The following MCTP2 variants were observed in gnomAD, a reference collection of about 807,000 sequenced individuals.
MCTP2 encodes the protein multiple C2 and transmembrane domain-containing protein 2.
A neutral mutation model predicts 111.6 loss-of-function variants in MCTP2; 132 were observed. The ratio of observed to expected loss-of-function variants is 1.18; its 90% CI spans 1.03 to 1.37. MCTP2 has a LOEUF of 1.37. Ranked by LOEUF, MCTP2 falls within the 40% of genes most tolerant of loss-of-function variation. The probability of loss-of-function intolerance (pLI) is 0.00; values close to 1 mark genes in which losing one functional copy is unlikely to be tolerated. For synonymous variants in MCTP2, 395 were observed against 387.7 expected, an observed-to-expected ratio of 1.02 and a Z score of -0.22; for missense variants, 1,183 against 1,067.9, an observed-to-expected ratio of 1.11 and a Z score of -1.50.
At position 94,307,735 on chromosome 15, in the gene MCTP2, A is replaced by G. The variant is rs1596319336; in HGVS notation, c.466-6547A>G. Among the ~76,000 whole-genome samples the G allele has an allele frequency of 2.6e-5, 4 of 152,232 alleles. No individual in the cohort carries two copies. The South Asian group carries it at 6.2e-4, about 24-fold the overall frequency. The stretch of plus-strand genomic sequence containing the variant: ...GCAGTAAGTCCAAGCTTTGCCTTGG[A>G]CAAAAGATATGGAGAAATGGCGCAC... On this transcript the variant is annotated intron_variant, in intron 2 of 22. Coordinates refer to ENST00000357742, the MANE Select transcript of MCTP2 (RefSeq NM_001385001.1).
intron 8 of MCTP2, among the ~76,000 whole-genome samples, chr15:94,350,779 T>G (rs905130509): frequency 1.3e-5 from 2 of 152,202 alleles, no homozygotes; most frequent in Non-Finnish European, 2.9e-5. Flanking sequence ...TTAATACTAT[T>G]GCACATGAGC....
At chr15:94,266,601 A>C (rs962405457) in intron 1 of MCTP2, among the ~76,000 whole-genome samples, 2 of 152,324 alleles carry the variant, frequency 1.3e-5, no homozygotes, top group Non-Finnish European at 2.9e-5. Context: ...TGAGGTACCA[A>C]CACTCAATTT....
At chr15:94,311,561 C>T (rs1262797171) in intron 2 of MCTP2, among the ~76,000 whole-genome samples, 6 of 152,138 alleles carry the variant, frequency 3.9e-5, no homozygotes, top group Non-Finnish European at 4.4e-5. Context: ...ACTCCATCCT[C>T]CTGTGCATAT....
Position 94,401,977 on chromosome 15 carries a change from C to T in MCTP2, c.2043C>T (p.Cys681=), listed in dbSNP as rs768818803. ...IWNTMQFLKS[C]FQWESTLRST... ...ATACAATGCAGTTCCTTAAAAGCTG[C>T]TTCCAGTGGGAATCCACATTAAGAA... Residue 681 remains cysteine (C), a synonymous_variant, in exon 17 of 23, where the codon TGC becomes TGT. Transcript: ENST00000357742. 6.2e-7 allele frequency: 1 copy of T among 1,613,596 alleles called. No individual in the cohort carries two copies. The highest frequency in any genetic ancestry group is 8.5e-7 in the Non-Finnish European group (1 of 1,179,666).
intron 20 of MCTP2, among the ~76,000 whole-genome samples, chr15:94,469,677 G>C (rs967465135): frequency 6.6e-6 from 1 of 152,044 alleles, no homozygotes; most frequent in Non-Finnish European, 1.5e-5. Flanking sequence ...AGACTAGCCT[G>C]GGGTGACATA....
At chr15:94,387,543 A>G (rs1482963350) in intron 14 of MCTP2, among the ~76,000 whole-genome samples, 1 of 152,192 alleles carries the variant, frequency 6.6e-6, no homozygotes, top group African/African-American at 2.4e-5. Context: ...CTTTTTTCAG[A>G]TTGGTCATAA....
chr15:94,272,713 T>C (rs1416328440), intron 1 of MCTP2, among the ~76,000 whole-genome samples: 1 of 135,066 alleles, frequency 7.4e-6, no homozygotes, highest in African/African-American at 2.8e-5. Context: ...GTTCTATTTG[T>C]CATAAGATAA....
At chr15:94,416,116 C>T (rs190201632) in intron 17 of MCTP2, among the ~76,000 whole-genome samples, 1 of 152,234 alleles carries the variant, frequency 6.6e-6, no homozygotes, top group Admixed American at 6.5e-5. Context: ...GAGAAGTAAG[C>T]ATTCCTCTTA....
chr15:94,454,151 C>G (rs1212813138), intron 19 of MCTP2, among the ~76,000 whole-genome samples: 1 of 152,120 alleles, frequency 6.6e-6, no homozygotes, highest in Non-Finnish European at 1.5e-5. Context: ...CAAGTTAACT[C>G]TACAAATACT....
At chr15:94,306,930 A>G (rs1200502081) in intron 2 of MCTP2, among the ~76,000 whole-genome samples, 1 of 152,156 alleles carries the variant, frequency 6.6e-6, no homozygotes, top group East Asian at 1.9e-4. Flanking sequence ...GCAAAATTAA[A>G]CAAGTGCGTC....
At chr15:94,426,091 T>C (rs1297634907) in intron 17 of MCTP2, among the ~76,000 whole-genome samples, 1 of 151,870 alleles carries the variant, frequency 6.6e-6, no homozygotes, top group Non-Finnish European at 1.5e-5. Flanking sequence ...TTTTGACCAT[T>C]GATTATTTTC....
chr15:94,456,894 C>A (rs2152525135), intron 19 of MCTP2, among the ~76,000 whole-genome samples: 1 of 152,274 alleles, frequency 6.6e-6, no homozygotes, highest in East Asian at 1.9e-4. Context: ...TTGTGTTTTT[C>A]AACATTTCTG....
At chr15:94,243,877 ATT>A (rs1180421864) in intron 1 of MCTP2, among the ~76,000 whole-genome samples, 3 of 148,158 alleles carry the variant, frequency 2.0e-5, no homozygotes, top group African/African-American at 4.9e-5. Flanking sequence ...ATGTGTATAT[ATT>A]TATGTACACA....
At chr15:94,388,400 A>T (rs1299926137) in intron 14 of MCTP2, among the ~76,000 whole-genome samples, 1 of 152,168 alleles carries the variant, frequency 6.6e-6, no homozygotes, top group Non-Finnish European at 1.5e-5. Context: ...CTTCTAGTGC[A>T]TCTGTGTGGG....
At chr15:94,293,655 A>G (rs1052216002) in intron 1 of MCTP2, among the ~76,000 whole-genome samples, 3 of 152,176 alleles carry the variant, frequency 2.0e-5, no homozygotes, top group African/African-American at 7.2e-5. Flanking sequence ...ACACATACCT[A>G]TTAGAATGGC....
At chr15:94,468,481 C>T (rs1292621291) in intron 20 of MCTP2, among the ~76,000 whole-genome samples, 1 of 148,518 alleles carries the variant, frequency 6.7e-6, no homozygotes, top group Admixed American at 6.7e-5. Flanking sequence ...TAGCCCCAGG[C>T]CAAAAAAAAA....
intron 4 of MCTP2, among the ~76,000 whole-genome samples, chr15:94,318,316 C>T (rs889483400): frequency 2.1e-5 from 3 of 145,674 alleles, no homozygotes; most frequent in African/African-American, 7.7e-5. Context: ...CGGAGTCTAG[C>T]TCTGTCGCCC....
At chr15:94,302,794 G>T (rs2075684798) in intron 2 of MCTP2, among the ~76,000 whole-genome samples, 1 of 152,098 alleles carries the variant, frequency 6.6e-6, no homozygotes, top group Non-Finnish European at 1.5e-5. Flanking sequence ...GGGGTCTTTT[G>T]TCGTCTCACA....
chr15:94,469,558 C>T (rs2073731095), intron 20 of MCTP2, among the ~76,000 whole-genome samples: 1 of 152,048 alleles, frequency 6.6e-6, no homozygotes, highest in Non-Finnish European at 1.5e-5. Context: ...AACACAAAAC[C>T]ACCAATGCCA....
Sources: gnomAD v4.1 joint callset for allele counts (sites outside exome capture counted in the v4.1 genomes callset) on GRCh38, gnomAD v4.1.1 for gene constraint, MANE v1.5 for transcripts, NCBI Gene and HGNC (gene_info 2026-07-23, HGNC 2026-07-21) for gene names.